Variants in RARB observed in about 807,000 individuals in gnomAD.
RARB encodes the protein HBV-activated protein.
A neutral mutation model predicts 51.9 loss-of-function variants in RARB; 17 were observed. The observed-to-expected ratio is 0.33, with a 90% confidence interval of 0.22 to 0.49. RARB has a LOEUF of 0.49. Ranked by LOEUF, RARB falls within the 20% of genes least tolerant of loss-of-function variation. RARB has a pLI of 0.99. For missense variants in RARB, 369 were observed against 550.8 expected (o/e 0.67, Z 3.30); for synonymous variants, 215 against 195.4 (o/e 1.10, Z -0.84).
intron 5 of RARB, among the ~76,000 whole-genome samples, chr3:25,581,342 C>T (rs1030600377): frequency 6.6e-5 from 10 of 152,170 alleles, no homozygotes; most frequent in African/African-American, 2.4e-4. Flanking sequence ...AGGCCAGTCC[C>T]CCATCCCACT....
At chr3:25,092,932 A>T (rs747535023) in intron 3 of RARB, among the ~76,000 whole-genome samples, 1 of 152,200 alleles carries the variant, frequency 6.6e-6, no homozygotes, top group Non-Finnish European at 1.5e-5. Context: ...GACATTTCTT[A>T]TAGCATTACA....
At chr3:24,930,039 T>G (rs139279793) in intron 2 of RARB, among the ~76,000 whole-genome samples, 10 of 152,216 alleles carry the variant, frequency 6.6e-5, no homozygotes, top group Admixed American at 2.6e-4. Flanking sequence ...ATTGACAATA[T>G]CCTGCAACTC....
intron 1 of RARB, among the ~76,000 whole-genome samples, chr3:25,432,428 C>T (rs1019739815): frequency 3.3e-5 from 5 of 152,112 alleles, no homozygotes; most frequent in Non-Finnish European, 5.9e-5. Flanking sequence ...ATTTGCCAGC[C>T]AATAATGTAA....
At chr3:24,900,737 C>T (rs902003254) in intron 2 of RARB, among the ~76,000 whole-genome samples, 8 of 152,118 alleles carry the variant, frequency 5.3e-5, no homozygotes, top group African/African-American at 1.9e-4. Flanking sequence ...AACTTTACTT[C>T]TTAGATGTTG....
intron 3 of RARB, among the ~76,000 whole-genome samples, chr3:25,569,010 G>C (rs893776440): frequency 2.6e-5 from 4 of 152,256 alleles, no homozygotes; most frequent in Non-Finnish European, 5.9e-5. Flanking sequence ...CTGGCACCGT[G>C]CTTGGCTCGG....
intron 3 of RARB, among the ~76,000 whole-genome samples, chr3:25,110,703 TA>T (rs1316091961): frequency 8.5e-5 from 13 of 152,180 alleles, no homozygotes; most frequent in African/African-American, 3.1e-4. Flanking sequence ...TAAAAGATAT[TA>T]AATTTCAAAA....
At chr3:25,489,460 C>T (rs994215189) in intron 2 of RARB, among the ~76,000 whole-genome samples, 1 of 152,144 alleles carries the variant, frequency 6.6e-6, no homozygotes. Context: ...TCTTCCTTTT[C>T]TTCCTTTTCC....
chr3:25,312,053 G>C (rs1247489477), intron 5 of RARB, among the ~76,000 whole-genome samples: 2 of 152,200 alleles, frequency 1.3e-5, no homozygotes, highest in African/African-American at 4.8e-5. Context: ...GGTTCTTTGG[G>C]GGAGATGAGT....
chr3:24,994,319 G>A lies in RARB; in HGVS notation c.-379-65806G>A, dbSNP rs201548540. 2.3e-3 allele frequency among the ~76,000 whole-genome samples: 349 copies of A among 151,922 alleles called. 4 individuals carry two copies. The East Asian group carries it at 0.046, about 20-fold the overall frequency. ...TGTTTGACTTATTTGAGAAATGTTC[G>A]GATTACGTGCCTATTTTTAAAAATT... On this transcript the variant is annotated intron_variant, in intron 2 of 11. Coordinates refer to the RARB transcript ENST00000383772.
At chr3:25,355,281 A>G (rs1705700153) in intron 5 of RARB, among the ~76,000 whole-genome samples, 1 of 152,036 alleles carries the variant, frequency 6.6e-6, no homozygotes, top group Non-Finnish European at 1.5e-5. Flanking sequence ...TGTTGTGGTT[A>G]GGTTTGGGCG....
chr3:25,300,116 G>C (rs768210543), intron 5 of RARB, among the ~76,000 whole-genome samples: 18 of 152,172 alleles, frequency 1.2e-4, no homozygotes, highest in Non-Finnish European at 2.2e-4. Context: ...GAAATAATTT[G>C]AGAACCACTG....
intron 4 of RARB, among the ~76,000 whole-genome samples, chr3:25,149,650 C>T (rs1431670005): frequency 6.6e-6 from 1 of 152,220 alleles, no homozygotes; most frequent in Non-Finnish European, 1.5e-5. Flanking sequence ...CTCCCACTCA[C>T]CTCCCATACC....
intron 2 of RARB, among the ~76,000 whole-genome samples, chr3:25,494,864 G>GAA (rs1333244387): frequency 1.3e-5 from 2 of 152,194 alleles, no homozygotes; most frequent in Admixed American, 1.3e-4. Flanking sequence ...ACTGAGGAAA[G>GAA]AAGTTTTGTC....
At chr3:24,890,713 A>T (rs993178189) in intron 2 of RARB, among the ~76,000 whole-genome samples, 1 of 152,206 alleles carries the variant, frequency 6.6e-6, no homozygotes, top group Non-Finnish European at 1.5e-5. Flanking sequence ...GGTACAAGTA[A>T]TATCTGGCCT....
intron 5 of RARB, among the ~76,000 whole-genome samples, chr3:25,272,879 T>C (rs1703286920): frequency 6.6e-6 from 1 of 152,190 alleles, no homozygotes; most frequent in South Asian, 2.1e-4. Context: ...CTCAGTATCT[T>C]CCCCTGTTAA....
At chr3:25,119,327 T>C (rs1219822332) in intron 3 of RARB, among the ~76,000 whole-genome samples, 1 of 152,106 alleles carries the variant, frequency 6.6e-6, no homozygotes. Flanking sequence ...TTTTCAGAAG[T>C]TTGAACCCTT....
chr3:25,450,579 T>C (rs757459614), intron 1 of RARB, among the ~76,000 whole-genome samples: 1 of 152,174 alleles, frequency 6.6e-6, no homozygotes, highest in Non-Finnish European at 1.5e-5. Context: ...ATCCTCAGCC[T>C]AGATCAGTGT....
At chr3:25,501,354 GT>G in intron 3 of RARB, 31 bp downstream of exon 3, 1 of 1,603,004 alleles carries the variant, frequency 6.2e-7, no homozygotes, top group East Asian at 2.3e-5. Flanking sequence ...CTTTTTCCCT[GT>G]TTTCCTTATC....
At chr3:25,442,051 A>G (rs564092969) in intron 1 of RARB, among the ~76,000 whole-genome samples, 5 of 152,300 alleles carry the variant, frequency 3.3e-5, no homozygotes, top group Non-Finnish European at 7.4e-5. Flanking sequence ...CTAGCCATTT[A>G]TGGCTGTTGG....
Sources: allele counts gnomAD v4.1 joint callset (sites outside exome capture counted in the v4.1 genomes callset), GRCh38; gene constraint gnomAD v4.1.1; transcripts MANE v1.5; gene names NCBI Gene and HGNC (gene_info 2026-07-23, HGNC 2026-07-21).